Variants in MED13L observed in about 807,000 individuals in gnomAD.
MED13L encodes mediator of RNA polymerase II transcription subunit 13-like.
In MED13L, 7 loss-of-function variants were observed where a neutral mutation model predicts 220.9. That is an observed-to-expected ratio of 0.03 (90% CI 0.02 to 0.06). The LOEUF is 0.06. Among genes scored for constraint, MED13L ranks in the 10% least tolerant of loss-of-function variants. The probability of loss-of-function intolerance (pLI) is 1.00; values close to 1 mark genes in which losing one functional copy is unlikely to be tolerated. For synonymous variants in MED13L, 1,011 were observed against 1,015.2 expected (o/e 1.00, Z 0.08); for missense variants, 1,965 against 2,760.5 (o/e 0.71, Z 6.46).
intron 1 of MED13L, among the ~76,000 whole-genome samples, chr12:116,252,959 A>G (rs538298917): frequency 1.3e-5 from 2 of 152,148 alleles, no homozygotes; most frequent in East Asian, 1.9e-4. Flanking sequence ...GAACAACTCT[A>G]TATCTATTAA....
chr12:116,269,722 A>G (rs1873127733), intron 1 of MED13L, among the ~76,000 whole-genome samples: 1 of 152,230 alleles, frequency 6.6e-6, no homozygotes, highest in African/African-American at 2.4e-5. Flanking sequence ...ACTGAAAAAT[A>G]GTACAAAATG....
intron 2 of MED13L, among the ~76,000 whole-genome samples, chr12:116,202,129 T>C (rs1565926010): frequency 6.6e-6 from 1 of 152,166 alleles, no homozygotes; most frequent in Non-Finnish European, 1.5e-5. Flanking sequence ...AACAGCATTT[T>C]ACAAAAATAA....
At chr12:116,258,726 A>G (rs1872257658) in intron 1 of MED13L, among the ~76,000 whole-genome samples, 1 of 149,714 alleles carries the variant, frequency 6.7e-6, no homozygotes, top group African/African-American at 2.5e-5. Context: ...GCACTGAGCG[A>G]GATTACACCA....
chr12:116,003,027 T>C lies in MED13L; in HGVS notation c.2545A>G (p.Arg849Gly), dbSNP rs1381933492. The C allele has an allele frequency of 6.2e-7, 1 of 1,613,722 alleles. No homozygotes were observed. Residue 849 changes from arginine to glycine, a missense_variant, in exon 14 of 31, where the codon AGA (arginine) becomes GGA (glycine). Arg to Gly is a moderately radical substitution (Grantham distance 125, BLOSUM62 -2). This residue lies in a region of MED13L where 9 missense variants were observed against 39.6 expected (regional missense o/e 0.23). Coordinates refer to ENST00000281928, the MANE Select transcript of MED13L (RefSeq NM_015335.5). Reference protein sequence around the residue: ...TEDRPLGKDGRAAVPYPPTVA... With the variant: ...TEDRPLGKDGGAAVPYPPTVA... ...CTTGGTGGATAAGGAACAGCAGCTCTTCCATCCTTCCCAAGAGGTCGGTCT... is the reference window on the plus strand; with the variant it reads ...CTTGGTGGATAAGGAACAGCAGCTCCTCCATCCTTCCCAAGAGGTCGGTCT...
At chr12:116,007,121 C>T in intron 11 of MED13L, 1 of 432,278 alleles carries the variant, frequency 2.3e-6, no homozygotes, top group South Asian at 2.5e-5. Context: ...AAATAGGGAG[C>T]ATAGGCCAAC....
At chr12:116,262,219 T>TA (rs1872563219) in intron 1 of MED13L, among the ~76,000 whole-genome samples, 1 of 152,170 alleles carries the variant, frequency 6.6e-6, no homozygotes, top group South Asian at 2.1e-4. Context: ...TTTATATAAC[T>TA]AAAAAATTCA....
At chr12:116,143,757 T>C (rs906508380) in intron 2 of MED13L, among the ~76,000 whole-genome samples, 7 of 152,324 alleles carry the variant, frequency 4.6e-5, no homozygotes, top group East Asian at 3.9e-4. Flanking sequence ...GGAAGAATAA[T>C]TGAGATTACT....
chr12:116,124,162 G>C (rs988672486), intron 2 of MED13L, among the ~76,000 whole-genome samples: 10 of 138,818 alleles, frequency 7.2e-5, no homozygotes, highest in African/African-American at 1.6e-4. Context: ...CAGAGACAGA[G>C]AGAGACAGAG....
At chr12:115,981,551 G>T (rs1297595474) in intron 22 of MED13L, among the ~76,000 whole-genome samples, 1 of 152,178 alleles carries the variant, frequency 6.6e-6, no homozygotes. Flanking sequence ...ATTCACTGAT[G>T]AAAGGAAATA....
intron 4 of MED13L, among the ~76,000 whole-genome samples, chr12:116,053,231 T>C (rs1592990342): frequency 1.3e-5 from 2 of 152,250 alleles, no homozygotes; most frequent in Admixed American, 1.3e-4. Flanking sequence ...GTTAAAAACA[T>C]GAGTAAAACA....
intron 2 of MED13L, among the ~76,000 whole-genome samples, chr12:116,114,341 T>G (rs1874339984): frequency 6.6e-6 from 1 of 152,218 alleles, no homozygotes; most frequent in East Asian, 1.9e-4. Flanking sequence ...TCTCCAGGCA[T>G]GCGCTGTGGA....
chr12:116,012,279 A>G (rs1194496361), intron 9 of MED13L, among the ~76,000 whole-genome samples: 1 of 152,228 alleles, frequency 6.6e-6, no homozygotes, highest in Non-Finnish European at 1.5e-5. Flanking sequence ...TCTACAAAAA[A>G]AGCAATCTGA....
intron 4 of MED13L, among the ~76,000 whole-genome samples, chr12:116,077,126 T>C (rs1267653213): frequency 6.6e-6 from 1 of 152,210 alleles, no homozygotes; most frequent in Non-Finnish European, 1.5e-5. Flanking sequence ...ACTTCATAAA[T>C]ATCTCTTCTT....
At chr12:116,031,940 G>A (rs772778128) in intron 4 of MED13L, among the ~76,000 whole-genome samples, 6 of 152,000 alleles carry the variant, frequency 3.9e-5, no homozygotes, top group Non-Finnish European at 8.8e-5. Flanking sequence ...TGTAGATAAG[G>A]TTGGTAGATA....
intron 2 of MED13L, among the ~76,000 whole-genome samples, chr12:116,212,174 G>A (rs1376966729): frequency 6.6e-6 from 1 of 152,138 alleles, no homozygotes; most frequent in East Asian, 1.9e-4. Context: ...GAACATTGAA[G>A]GAAAGGACGT....
rs750273159 is a variant in MED13L at position 115,961,025 on chromosome 12, C to T, written c.*241G>A. Reference sequence around the variant, plus strand: ...CAGTGGTTGGGGCTACACACACCACCGCACTGGCTGAAAGTCACCACTTAT... The same window carrying T: ...CAGTGGTTGGGGCTACACACACCACTGCACTGGCTGAAAGTCACCACTTAT... On this transcript the variant is annotated 3_prime_UTR_variant, in exon 31 of 31. Transcript: ENST00000281928. 2.2e-5 allele frequency: 12 copies of T among 549,450 alleles called. No individual in the cohort carries two copies. The highest frequency in any genetic ancestry group is 7.8e-5 in the Admixed American group (3 of 38,660). The allele number at this position is 549,450 out of a possible 1,614,324, so 34.0% of individuals were successfully genotyped here.
At chr12:116,027,141 A>T (rs944548835) in intron 4 of MED13L, among the ~76,000 whole-genome samples, 2 of 152,152 alleles carry the variant, frequency 1.3e-5, no homozygotes, top group Admixed American at 1.3e-4. Context: ...ACCTAATAAC[A>T]GCTGGGCAAG....
Position 115,982,371 on chromosome 12 carries a change from T to G in MED13L, c.5175+13A>C, listed in dbSNP as rs1565992008. The G allele has an allele frequency of 6.3e-7, 1 of 1,593,374 alleles. No individual in the cohort carries two copies. Among genetic ancestry groups the G allele is most frequent in the East Asian group, 2.2e-5 (1 of 44,752 alleles). On this transcript the variant is annotated intron_variant, in intron 22 of 30. Transcript: ENST00000281928. ...CAACATCAAAAGTAAATAATAAACT[T>G]GCAAACAGTAACCTGGAGAATGAAA...
intron 2 of MED13L, among the ~76,000 whole-genome samples, chr12:116,176,937 G>A (rs767625045): frequency 2.1e-5 from 3 of 145,200 alleles, no homozygotes; most frequent in African/African-American, 5.1e-5. Context: ...TGGAGTATAA[G>A]ATAGCCATTC....
Sources: gnomAD v4.1 joint callset for allele counts (sites outside exome capture counted in the v4.1 genomes callset) on GRCh38, gnomAD v4.1.1 for gene constraint, gnomAD v4.1.1 regional missense constraint, MANE v1.5 for transcripts, NCBI Gene and HGNC (gene_info 2026-07-23, HGNC 2026-07-21) for gene names.